Variants in ADAMTS20 observed in about 807,000 individuals in gnomAD.
ADAMTS20 encodes the protein ADAM metallopeptidase with thrombospondin type 1 motif 20, also known as A disintegrin and metalloproteinase with thrombospondin motifs 20.
In ADAMTS20, 225 loss-of-function variants were observed where a neutral mutation model predicts 260.1. The observed-to-expected ratio is 0.87, with a 90% CI of 0.78 to 0.97. The LOEUF (loss-of-function observed/expected upper bound fraction) is 0.97, where lower values mean the gene tolerates loss of function less well. Among genes scored for constraint, ADAMTS20 ranks in the 50% least tolerant of loss-of-function variants. ADAMTS20 has a pLI of 0.00. For synonymous variants in ADAMTS20, 802 were observed against 769.5 expected (o/e 1.04, Z -0.70); for missense variants, 2,400 against 2,337.7 (o/e 1.03, Z -0.55).
intron 2 of ADAMTS20, 56 bp from the exon 3 acceptor site, chr12:43,532,251 A>C: frequency 6.7e-7 from 1 of 1,482,638 alleles, no homozygotes; most frequent in Non-Finnish European, 9.1e-7. Context: ...AGAAGAAAAA[A>C]CACATAGTAC....
chr12:43,507,644 A>G (rs190860089), intron 3 of ADAMTS20, among the ~76,000 whole-genome samples: 3 of 152,364 alleles, frequency 2.0e-5, no homozygotes, highest in South Asian at 2.1e-4. Flanking sequence ...AGAAAGCACT[A>G]TGGTTTGAAG....
intron 3 of ADAMTS20, among the ~76,000 whole-genome samples, chr12:43,510,493 T>C (rs989797872): frequency 3.3e-5 from 5 of 152,032 alleles, no homozygotes; most frequent in Non-Finnish European, 5.9e-5. Flanking sequence ...CAAATGTTGA[T>C]ACAATTCCTT....
chr12:43,495,868 T>G (rs1416631814), intron 4 of ADAMTS20, among the ~76,000 whole-genome samples: 1 of 152,246 alleles, frequency 6.6e-6, no homozygotes, highest in Non-Finnish European at 1.5e-5. Context: ...TTTTTTCTAA[T>G]TGTATCTCTT....
chr12:43,390,355 C>T (rs1188502074), intron 29 of ADAMTS20, among the ~76,000 whole-genome samples: 1 of 152,194 alleles, frequency 6.6e-6, no homozygotes, highest in African/African-American at 2.4e-5. Context: ...AATTCAGCCA[C>T]ACCTTTTGTA....
At chr12:43,373,754 A>C (rs1443311925) in intron 36 of ADAMTS20, among the ~76,000 whole-genome samples, 2 of 127,152 alleles carry the variant, frequency 1.6e-5, no homozygotes, top group Non-Finnish European at 3.1e-5. Flanking sequence ...ATCTCGGCTC[A>C]CTGCAAGCTC....
chr12:43,367,330 A>C (rs1238961177), intron 37 of ADAMTS20, among the ~76,000 whole-genome samples: 1 of 152,078 alleles, frequency 6.6e-6, no homozygotes, highest in Non-Finnish European at 1.5e-5. Flanking sequence ...AATATATGAA[A>C]ATAATTACAT....
chr12:43,397,124 T>C (rs982806783), intron 29 of ADAMTS20, among the ~76,000 whole-genome samples: 1 of 152,114 alleles, frequency 6.6e-6, no homozygotes, highest in Non-Finnish European at 1.5e-5. Context: ...AACCACAATA[T>C]TGGAAACATA....
chr12:43,369,430 C>T (rs775291375), intron 36 of ADAMTS20, 49 bp from the exon 37 acceptor site: 10 of 1,120,220 alleles, frequency 8.9e-6, no homozygotes, highest in Non-Finnish European at 1.2e-5. Context: ...ATAATGCAAT[C>T]GTTGTTGTCA....
chr12:43,488,537 A>G (rs935637698), intron 7 of ADAMTS20, among the ~76,000 whole-genome samples: 1 of 152,178 alleles, frequency 6.6e-6, no homozygotes, highest in East Asian at 1.9e-4. Flanking sequence ...CATGAATAAT[A>G]CCCATTCGAG....
At chr12:43,427,202 CT>C in intron 27 of ADAMTS20, 105 bp downstream of exon 27, 1 of 1,276,230 alleles carries the variant, frequency 7.8e-7, no homozygotes. Context: ...AATTCTTTTT[CT>C]ACATAGTATA....
intron 37 of ADAMTS20, among the ~76,000 whole-genome samples, chr12:43,358,432 C>G (rs1337294875): frequency 6.6e-6 from 1 of 152,138 alleles, no homozygotes; most frequent in African/African-American, 2.4e-5. Flanking sequence ...GGTAAAAATA[C>G]ATCTCACTCA....
chr12:43,491,888 A>G (rs1365823004), intron 6 of ADAMTS20, among the ~76,000 whole-genome samples: 3 of 152,176 alleles, frequency 2.0e-5, no homozygotes, highest in African/African-American at 7.2e-5. Context: ...TTAATTTCTT[A>G]ATTCTCTCAT....
chr12:43,408,547 A>T (rs966477298), intron 28 of ADAMTS20, among the ~76,000 whole-genome samples: 4 of 152,168 alleles, frequency 2.6e-5, no homozygotes, highest in Middle Eastern at 3.2e-3. Flanking sequence ...TAAAGGCCTA[A>T]AAAGGAATAT....
intron 29 of ADAMTS20, among the ~76,000 whole-genome samples, chr12:43,389,661 A>G (rs1482314829): frequency 6.6e-6 from 1 of 151,764 alleles, no homozygotes; most frequent in African/African-American, 2.4e-5. Context: ...ATGCCATGGC[A>G]TCAGCTTAGT....
At chr12:43,371,594 C>T (rs915628737) in intron 36 of ADAMTS20, among the ~76,000 whole-genome samples, 1 of 151,880 alleles carries the variant, frequency 6.6e-6, no homozygotes, top group Non-Finnish European at 1.5e-5. Context: ...CAGCAGAGAC[C>T]CAAAAGAAAT....
intron 28 of ADAMTS20, among the ~76,000 whole-genome samples, chr12:43,418,764 A>ATATTTT (rs1353850111): frequency 4.6e-5 from 7 of 152,226 alleles, no homozygotes; most frequent in African/African-American, 1.7e-4. Context: ...TCTTGTTAAA[A>ATATTTT]TATTGAACTA....
chr12:43,399,025 CA>C (rs762227667), intron 29 of ADAMTS20, 40 bp downstream of exon 29: 29 of 1,211,922 alleles, frequency 2.4e-5, no homozygotes, highest in Admixed American at 1.6e-4. Flanking sequence ...TTTTTAAATA[CA>C]AAAAAATACA....
At chr12:43,442,125 G>A (rs549940261) in intron 16 of ADAMTS20, among the ~76,000 whole-genome samples, 5 of 152,204 alleles carry the variant, frequency 3.3e-5, no homozygotes, top group Admixed American at 2.0e-4. Context: ...GTTACCAAAC[G>A]TCATAAACAT....
chr12:43,425,502 G>A lies in ADAMTS20; in HGVS notation c.4284+12C>T, dbSNP rs1224411030. On this transcript the variant is annotated intron_variant, in intron 28 of 38. Coordinates refer to ENST00000389420, the MANE Select transcript of ADAMTS20 (RefSeq NM_025003.5). ...AAGTATGACATGTTAACAGACAAGAGTGCTATCATACCGATGTCCATGGTT... is the reference window on the plus strand; with the variant it reads ...AAGTATGACATGTTAACAGACAAGAATGCTATCATACCGATGTCCATGGTT... 4.8e-6 allele frequency: 7 copies of A among 1,470,262 alleles called. 1 individual carries two copies. Among genetic ancestry groups the A allele is most frequent in the South Asian group, 2.9e-5 (2 of 67,942 alleles). 91.1% of individuals were successfully genotyped at this position (1,470,262 alleles called of 1,614,324 possible). A position where few individuals can be genotyped will look rare whatever the true frequency, so the allele number is the denominator to read the frequency against.
Sources: gnomAD v4.1 joint callset for allele counts (sites outside exome capture counted in the v4.1 genomes callset) on GRCh38, gnomAD v4.1.1 for gene constraint, MANE v1.5 for transcripts, NCBI Gene and HGNC (gene_info 2026-07-23, HGNC 2026-07-21) for gene names.